Variants in RHOQ observed in about 807,000 individuals in gnomAD.
The protein encoded by RHOQ is ras homolog family member Q.
RHOQ carries 7 observed loss-of-function variants against 25.8 expected under a neutral mutation model. The ratio of observed to expected loss-of-function variants is 0.27; its 90% CI spans 0.15 to 0.51. The LOEUF (loss-of-function observed/expected upper bound fraction) is 0.51. Ranked by LOEUF, RHOQ falls within the 20% of genes least tolerant of loss-of-function variation. RHOQ has a pLI of 0.97. For missense variants in RHOQ, 165 were observed against 260.6 expected, an observed-to-expected ratio of 0.63 and a Z score of 2.53; for synonymous variants, 97 against 98.6, an observed-to-expected ratio of 0.98 and a Z score of 0.10.
intron 2 of RHOQ, 127 bp from the exon 3 acceptor site, chr2:46,575,960 A>G: frequency 1.6e-6 from 1 of 611,546 alleles, no homozygotes; most frequent in South Asian, 4.8e-5. Context: ...GATTTTACTT[A>G]GAGTGCCATA....
chr2:46,571,205 T>G (rs1017535518), intron 2 of RHOQ, among the ~76,000 whole-genome samples: 1 of 152,250 alleles, frequency 6.6e-6, no homozygotes, highest in African/African-American at 2.4e-5. Context: ...TAATATCATG[T>G]TCACATACAT....
At chr2:46,579,287 G>A (rs1387459282) in intron 4 of RHOQ, among the ~76,000 whole-genome samples, 1 of 152,146 alleles carries the variant, frequency 6.6e-6, no homozygotes. Context: ...GAGGGCCCCA[G>A]TGATGAGCAC....
Position 46,565,323 on chromosome 2 carries a change from G to A in RHOQ, c.202-10764G>A, listed in dbSNP as rs192241037. On this transcript the variant is annotated intron_variant, in intron 2 of 4. Coordinates refer to ENST00000238738, the MANE Select transcript of RHOQ (RefSeq NM_012249.4). ...GGTCCTGCACTGAATCAGAGTTTTCGAAAGAAGGAGGAAGTAGGAGAAGAA... is the reference window on the plus strand; with the variant it reads ...GGTCCTGCACTGAATCAGAGTTTTCAAAAGAAGGAGGAAGTAGGAGAAGAA... 2.6e-4 allele frequency among the ~76,000 whole-genome samples: 40 copies of A among 152,302 alleles called. No homozygotes were observed. In the East Asian group the frequency reaches 4.1e-3, roughly 15 times the overall value.
At chr2:46,565,630 A>G (rs2104010095) in intron 2 of RHOQ, among the ~76,000 whole-genome samples, 1 of 152,336 alleles carries the variant, frequency 6.6e-6, no homozygotes, top group East Asian at 1.9e-4. Flanking sequence ...CAGGTATTTG[A>G]TCCACTTTCT....
rs1438473335 is a variant in RHOQ, at chr2:46,583,693, AT to A, written c.*2612del. On this transcript the variant is annotated 3_prime_UTR_variant, in exon 5 of 5. Transcript: ENST00000238738. Reference sequence around the variant, plus strand: ...GCCTTATTTTCAGAAGCATGTCTTCATTCAAAGCTTAGGCTTCAATAGAAAT... The same window carrying A: ...GCCTTATTTTCAGAAGCATGTCTTCATCAAAGCTTAGGCTTCAATAGAAAT... Among the ~76,000 whole-genome samples, 1 of 152,216 alleles carries A rather than the reference AT, an allele frequency of 6.6e-6. No individual in the cohort carries two copies. Among genetic ancestry groups the A allele is most frequent in the African/African-American group, 2.4e-5 (1 of 41,468 alleles).
intron 2 of RHOQ, among the ~76,000 whole-genome samples, chr2:46,544,046 G>A (rs938167202): frequency 2.6e-5 from 4 of 152,210 alleles, no homozygotes; most frequent in African/African-American, 7.2e-5. Flanking sequence ...GTTTTTGCCT[G>A]TGTGGGTCGT....
intron 2 of RHOQ, among the ~76,000 whole-genome samples, chr2:46,549,126 A>G (rs1177286493): frequency 6.6e-6 from 1 of 151,968 alleles, no homozygotes; most frequent in African/African-American, 2.4e-5. Context: ...TTCCATCATG[A>G]TTCTCCTGAG....
At chr2:46,562,143 C>T (rs1198144816) in intron 2 of RHOQ, among the ~76,000 whole-genome samples, 15 of 152,126 alleles carry the variant, frequency 9.9e-5, no homozygotes, top group Admixed American at 6.5e-5. Flanking sequence ...CTAGCCGGTT[C>T]CTATGCAATT....
chr2:46,553,653 T>C (rs1477058293), intron 2 of RHOQ, among the ~76,000 whole-genome samples: 2 of 152,044 alleles, frequency 1.3e-5, no homozygotes, highest in African/African-American at 4.8e-5. Flanking sequence ...CGGTCTTGGC[T>C]CACTCAACCT....
intron 2 of RHOQ, among the ~76,000 whole-genome samples, chr2:46,544,164 A>AGCCT (rs1187245757): frequency 6.6e-6 from 1 of 152,152 alleles, no homozygotes; most frequent in African/African-American, 2.4e-5. Context: ...TCCCCCCCAC[A>AGCCT]GCCTCTGTCT....
At chr2:46,553,177 C>T (rs887536191) in intron 2 of RHOQ, among the ~76,000 whole-genome samples, 9 of 152,200 alleles carry the variant, frequency 5.9e-5, no homozygotes, top group African/African-American at 2.2e-4. Flanking sequence ...TTCAGAGTCA[C>T]TGAATTAATG....
In RHOQ at chr2:46,576,305, G is replaced by T. The variant is rs1669125690; in HGVS notation, c.366+54G>T. On this transcript the variant is annotated intron_variant, in intron 3 of 4. Transcript: ENST00000238738. The surrounding 1 kb of genome is among the most constrained non-coding windows in gnomAD (Gnocchi z 5.1). Reference sequence around the variant, plus strand: ...AGAATAAGCTCTTTGGTCTGTCGTAGAGGCTGCTCTCAGACAAACAGTCCC... The same window carrying T: ...AGAATAAGCTCTTTGGTCTGTCGTATAGGCTGCTCTCAGACAAACAGTCCC... The T allele has an allele frequency of 6.9e-7, 1 of 1,449,276 alleles. No individual in the cohort carries two copies. The highest frequency in any genetic ancestry group is 1.4e-5 in the African/African-American group (1 of 70,234). The allele number at this position is 1,449,276 out of a possible 1,614,324, so 89.8% of individuals were successfully genotyped here.
intron 2 of RHOQ, among the ~76,000 whole-genome samples, chr2:46,549,011 G>A (rs76351148): frequency 0.023 from 3,475 of 152,110 alleles, 51 homozygotes; most frequent in Non-Finnish European, 0.035. Flanking sequence ...TAGGGTGGGG[G>A]CAGTCCCCAC....
rs1669144966 is a variant in RHOQ at position 46,576,842 on chromosome 2, G to A, written c.462+186G>A. On this transcript the variant is annotated intron_variant, in intron 4 of 4. Transcript: ENST00000238738. The surrounding 1 kb of genome is among the most constrained non-coding windows in gnomAD (Gnocchi z 5.1). ...CTGTTACACAGAAGAGACAGTGGAG[G>A]CTGGGAGATGTCAGATAATTCGCCC... The A allele has an allele frequency of 6.9e-6, 3 of 432,094 alleles. No homozygotes were observed. The highest frequency in any genetic ancestry group is 4.1e-5 in the African/African-American group (2 of 48,666). The allele number at this position is 432,094 out of a possible 1,614,324, so 26.8% of individuals were successfully genotyped here. A position where few individuals can be genotyped will look rare whatever the true frequency, so the allele number is the denominator to read the frequency against.
In RHOQ at chr2:46,576,498, A is replaced by T; in HGVS notation, c.367-63A>T. ...GTATGTGGGAATTAAGTGGGATTAC[A>T]TGCTTTGATTTTTCTTTAAAGATTT... On this transcript the variant is annotated intron_variant, in intron 3 of 4. Transcript: ENST00000238738. This position sits in a 1 kb window ranked among gnomAD's most constrained non-coding sequence, Gnocchi z 5.1. 6.5e-6 allele frequency: 7 copies of T among 1,081,244 alleles called. 1 individual carries two copies. The South Asian group carries it at 8.7e-5, about 13-fold the overall frequency. The allele number at this position is 1,081,244 out of a possible 1,614,324, so 67.0% of individuals were successfully genotyped here.
At chr2:46,543,568 T>TCA in intron 1 of RHOQ, 186 bp from the exon 2 acceptor site, 1 of 630,256 alleles carries the variant, frequency 1.6e-6, no homozygotes, top group South Asian at 1.8e-5. Flanking sequence ...GGGGACCACA[T>TCA]CACACCCCGG....
At chr2:46,559,556 G>A (rs1025155229) in intron 2 of RHOQ, among the ~76,000 whole-genome samples, 2 of 151,958 alleles carry the variant, frequency 1.3e-5, no homozygotes, top group South Asian at 2.1e-4. Flanking sequence ...TGTTTGTTGT[G>A]GGGGGGCTGT....
At chr2:46,547,519 C>T (rs1668109698) in intron 2 of RHOQ, among the ~76,000 whole-genome samples, 1 of 152,244 alleles carries the variant, frequency 6.6e-6, no homozygotes, top group African/African-American at 2.4e-5. Flanking sequence ...CCAGCACACT[C>T]AGAGCACCAC....
At position 46,580,989 on chromosome 2, in the gene RHOQ, T is replaced by C; in HGVS notation, c.524T>C (p.Phe175Ser). ...ACCCAGAAGGGATTGAAGACTGTTT[T>C]TGATGAGGCTATCATAGCCATTTTA... ...ALTQKGLKTV[F>S]DEAIIAILTP... is the part of the protein sequence containing the mutation. The change falls in exon 5 of 5, where the codon TTT becomes TCT. Residue 175 changes from phenylalanine to serine, a missense_variant. Transcript: ENST00000238738. 1 of 1,586,422 alleles carries C rather than the reference T, an allele frequency of 6.3e-7. No homozygotes were observed. Among genetic ancestry groups the C allele is most frequent in the Non-Finnish European group, 8.6e-7 (1 of 1,169,282 alleles).
Sources: allele counts gnomAD v4.1 joint callset (sites outside exome capture counted in the v4.1 genomes callset), GRCh38; gene constraint gnomAD v4.1.1; non-coding constraint Gnocchi (gnomAD v3.1); transcripts MANE v1.5; gene names NCBI Gene and HGNC (gene_info 2026-07-23, HGNC 2026-07-21).